The following EYA2 variants were observed in gnomAD, a reference collection of about 807,000 sequenced individuals.
EYA2 encodes the protein EYA transcriptional coactivator and phosphatase 2.
Under a neutral mutation model 69.2 loss-of-function variants are expected in EYA2, and 31 were observed. That is an observed-to-expected ratio of 0.45 (90% CI 0.34 to 0.60). The LOEUF is 0.60. EYA2 is among the 20% of genes least tolerant of loss of function. EYA2 has a pLI of 0.02. For synonymous variants in EYA2, 257 were observed against 279.4 expected (o/e 0.92, Z 0.80); for missense variants, 622 against 701.2 (o/e 0.89, Z 1.28).
intron 10 of EYA2, 81 bp from the exon 11 acceptor site, chr20:47,169,058 A>T (rs372100465): frequency 7.4e-7 from 1 of 1,342,788 alleles, no homozygotes. Context: ...CCCTCAGCTT[A>T]TGAGGCCAAC....
At chr20:47,005,953 G>A (rs1252025876) in intron 4 of EYA2, among the ~76,000 whole-genome samples, 1 of 151,012 alleles carries the variant, frequency 6.6e-6, no homozygotes, top group East Asian at 1.9e-4. Context: ...GAGGAAACAG[G>A]GGAATTTATT....
At chr20:47,096,456 A>G (rs2032248946) in intron 8 of EYA2, among the ~76,000 whole-genome samples, 1 of 152,210 alleles carries the variant, frequency 6.6e-6, no homozygotes, top group African/African-American at 2.4e-5. Context: ...GGGAAAAGGT[A>G]GGGACTCCCA....
chr20:46,930,519 G>A (rs1028665537), intron 1 of EYA2, among the ~76,000 whole-genome samples: 1 of 152,066 alleles, frequency 6.6e-6, no homozygotes, highest in African/African-American at 2.4e-5. Flanking sequence ...CTTCTGTGGG[G>A]CTTCAGGAGA....
intron 1 of EYA2, among the ~76,000 whole-genome samples, chr20:46,943,708 G>A (rs938386207): frequency 6.6e-6 from 1 of 152,202 alleles, no homozygotes; most frequent in Admixed American, 6.5e-5. Context: ...AGCAAAACGT[G>A]CAGAAGGAAG....
intron 5 of EYA2, among the ~76,000 whole-genome samples, chr20:47,041,883 C>T (rs1985091306): frequency 1.3e-5 from 2 of 151,900 alleles, no homozygotes; most frequent in Admixed American, 1.3e-4. Context: ...AAAGTAAATT[C>T]ATTTTAAAAG....
intron 2 of EYA2, among the ~76,000 whole-genome samples, chr20:46,993,671 C>T (rs1359546027): frequency 6.6e-6 from 1 of 152,182 alleles, no homozygotes; most frequent in East Asian, 1.9e-4. Context: ...AAGCAAAAAG[C>T]TGACAATGAC....
intron 5 of EYA2, among the ~76,000 whole-genome samples, chr20:47,040,728 A>G (rs1433475324): frequency 6.6e-6 from 1 of 152,220 alleles, no homozygotes; most frequent in Non-Finnish European, 1.5e-5. Context: ...CACACAGGTA[A>G]GAAGCTTGGG....
chr20:47,091,593 A>AT (rs2032086817), intron 8 of EYA2, among the ~76,000 whole-genome samples: 1 of 151,400 alleles, frequency 6.6e-6, no homozygotes, highest in African/African-American at 2.4e-5. Flanking sequence ...AAAAAAAAAA[A>AT]AAAAAGCCAG....
At chr20:47,168,742 C>T (rs752953695) in intron 10 of EYA2, among the ~76,000 whole-genome samples, 4 of 152,140 alleles carry the variant, frequency 2.6e-5, no homozygotes, top group Non-Finnish European at 5.9e-5. Flanking sequence ...ACACCTTTAG[C>T]GAGGCAGAGG....
intron 10 of EYA2, among the ~76,000 whole-genome samples, chr20:47,166,407 A>T (rs2034191480): frequency 6.2e-5 from 8 of 128,426 alleles, no homozygotes; most frequent in South Asian, 2.5e-4. Context: ...AAAAAAAAAA[A>T]AAAAAAAAAA....
At chr20:47,103,521 G>A (rs887126645) in intron 9 of EYA2, among the ~76,000 whole-genome samples, 10 of 152,200 alleles carry the variant, frequency 6.6e-5, no homozygotes, top group Admixed American at 1.3e-4. Flanking sequence ...ACAGTTCTGC[G>A]TGGCTGGAGA....
rs1230159755 is a variant in EYA2, at chr20:46,963,158, T to C, written c.-10-26843T>C. Reference sequence around the variant, plus strand: ...GTATCGGCTCCTTCTGTTTCTCTTATCGCATCCCCAGTCCCCTACTGGTGT... The same window carrying C: ...GTATCGGCTCCTTCTGTTTCTCTTACCGCATCCCCAGTCCCCTACTGGTGT... On this transcript the variant is annotated intron_variant, in intron 1 of 15. Coordinates refer to ENST00000327619, the MANE Select transcript of EYA2 (RefSeq NM_005244.5). Among the ~76,000 whole-genome samples the C allele has an allele frequency of 2.0e-5, 3 of 152,194 alleles. 1 individual carries two copies. In the South Asian group the frequency reaches 6.2e-4, roughly 31 times the overall value.
At chr20:46,900,370 A>G (rs1463213908) in intron 1 of EYA2, among the ~76,000 whole-genome samples, 1 of 152,160 alleles carries the variant, frequency 6.6e-6, no homozygotes, top group Non-Finnish European at 1.5e-5. Context: ...GGCCTTTCAT[A>G]ACTGAAATAC....
chr20:47,057,205 T>G (rs944731791), intron 5 of EYA2, among the ~76,000 whole-genome samples: 1 of 151,202 alleles, frequency 6.6e-6, no homozygotes, highest in African/African-American at 2.4e-5. Flanking sequence ...TACTAGGCAC[T>G]CAACAAAGAT....
chr20:47,101,399 T>C (rs933838338), intron 9 of EYA2, among the ~76,000 whole-genome samples: 4 of 152,184 alleles, frequency 2.6e-5, no homozygotes, highest in Admixed American at 6.5e-5. Context: ...CCCCACTTTT[T>C]TAAAGGCCAG....
At chr20:47,009,657 A>G (rs779118910) in intron 4 of EYA2, among the ~76,000 whole-genome samples, 3 of 152,208 alleles carry the variant, frequency 2.0e-5, no homozygotes, top group Non-Finnish European at 4.4e-5. Flanking sequence ...AAAGAGCCAC[A>G]TAGTAAATAT....
chr20:46,991,515 C>A (rs937199557), intron 2 of EYA2, among the ~76,000 whole-genome samples: 6 of 152,190 alleles, frequency 3.9e-5, no homozygotes, highest in Admixed American at 3.3e-4. Context: ...AACCAAATAA[C>A]CACAGTAAAT....
At chr20:47,072,164 C>G (rs1175414591) in intron 5 of EYA2, 21 bp from the exon 6 acceptor site, 5 of 1,608,012 alleles carry the variant, frequency 3.1e-6, no homozygotes, top group Non-Finnish European at 4.3e-6. Flanking sequence ...TAACCTGTAC[C>G]CCTGTTCCTC....
At chr20:47,006,513 T>G (rs557381220) in intron 4 of EYA2, among the ~76,000 whole-genome samples, 2 of 152,372 alleles carry the variant, frequency 1.3e-5, no homozygotes, top group African/African-American at 4.8e-5. Flanking sequence ...ATATGCTCGT[T>G]TCATCTTCCC....
Sources: allele counts gnomAD v4.1 joint callset (sites outside exome capture counted in the v4.1 genomes callset), GRCh38; gene constraint gnomAD v4.1.1; transcripts MANE v1.5; gene names NCBI Gene and HGNC (gene_info 2026-07-23, HGNC 2026-07-21).